SLC15A5: variants seen among roughly 807,000 people sequenced by gnomAD.
SLC15A5 encodes Peptide/histidine transporter ENSP00000340402.
In SLC15A5, 58 loss-of-function variants were observed where a neutral mutation model predicts 56.1. The ratio of observed to expected loss-of-function variants is 1.03; its 90% confidence interval spans 0.84 to 1.29. SLC15A5 has a LOEUF of 1.29. SLC15A5 is among the 50% of genes most tolerant of loss of function. SLC15A5 has a pLI of 0.00. For synonymous variants in SLC15A5, 264 were observed against 250.5 expected, an observed-to-expected ratio of 1.05 and a Z score of -0.51; for missense variants, 681 against 672.1, an observed-to-expected ratio of 1.01 and a Z score of -0.15.
Position 16,271,862 on chromosome 12 carries a change from C to T in SLC15A5, c.584+699G>A, listed in dbSNP as rs1024372423. On this transcript the variant is annotated intron_variant, in intron 2 of 8. Transcript: ENST00000344941. This position sits in a 1 kb window ranked among gnomAD's most constrained non-coding sequence, Gnocchi z 8.0. ...AAAACCGACGAACTCCATAAGAACT[C>T]GTTGGGAGAGACAAAGATTCACAGG... Among the ~76,000 whole-genome samples the T allele has an allele frequency of 6.6e-6, 1 of 152,102 alleles. No individual in the cohort carries two copies. Among genetic ancestry groups the T allele is most frequent in the Non-Finnish European group, 1.5e-5 (1 of 68,016 alleles).
intron 7 of SLC15A5, among the ~76,000 whole-genome samples, chr12:16,205,267 G>T (rs1290613221): frequency 6.6e-6 from 1 of 151,474 alleles, no homozygotes; most frequent in Non-Finnish European, 1.5e-5. Context: ...TATGCTAAGG[G>T]CTGAAATTAA....
chr12:16,257,596 T>G, intron 3 of SLC15A5, 105 bp downstream of exon 3: 1 of 948,104 alleles, frequency 1.1e-6, no homozygotes, highest in South Asian at 3.3e-5. Flanking sequence ...GACACAATTT[T>G]CAAATTCTGA....
At position 16,237,576 on chromosome 12, in the gene SLC15A5, C is replaced by G. The variant is rs1430546202; in HGVS notation, c.1162+2105G>C. Among the ~76,000 whole-genome samples the G allele has an allele frequency of 6.6e-6, 1 of 152,170 alleles. No individual in the cohort carries two copies. The highest frequency in any genetic ancestry group is 1.5e-5 in the Non-Finnish European group (1 of 68,006). On this transcript the variant is annotated intron_variant, in intron 5 of 8. Coordinates refer to ENST00000344941, the MANE Select transcript of SLC15A5 (RefSeq NM_001170798.1). The surrounding 1 kb of genome is among the most constrained non-coding windows in gnomAD (Gnocchi z 4.1). ...CTAAATCCAGAAAAAAAGTACTCTT[C>G]TTTAGGAAGAGATGTGATTTCAAAT...
chr12:16,256,070 G>T (rs1040465409), intron 3 of SLC15A5, among the ~76,000 whole-genome samples: 2 of 152,100 alleles, frequency 1.3e-5, no homozygotes, highest in Non-Finnish European at 2.9e-5. Context: ...ATGCTTAAGA[G>T]CATAAATTCA....
At chr12:16,262,943 C>G (rs925476020) in intron 2 of SLC15A5, among the ~76,000 whole-genome samples, 1 of 152,008 alleles carries the variant, frequency 6.6e-6, no homozygotes, top group African/African-American at 2.4e-5. Flanking sequence ...CCAGTTAAAC[C>G]TCTTTCTTTT....
At chr12:16,256,913 A>AATAGATAGATAG (rs55965104) in intron 3 of SLC15A5, among the ~76,000 whole-genome samples, 9,369 of 148,500 alleles carry the variant, frequency 0.063, 311 homozygotes, top group African/African-American at 0.081. Flanking sequence ...ATGCATGGGG[A>AATAGATAGATAG]ATAGATAGAT....
chr12:16,220,311 T>G (rs1864173443), intron 6 of SLC15A5, among the ~76,000 whole-genome samples: 1 of 152,192 alleles, frequency 6.6e-6, no homozygotes. Context: ...GAGTTGTCAG[T>G]TCCTCTCTCA....
At chr12:16,267,086 T>A (rs1565675073) in intron 2 of SLC15A5, among the ~76,000 whole-genome samples, 1 of 152,240 alleles carries the variant, frequency 6.6e-6, no homozygotes, top group East Asian at 1.9e-4. Context: ...TCGTGTTTAC[T>A]TTTGGTGATT....
chr12:16,266,505 A>G (rs796640162), intron 2 of SLC15A5, among the ~76,000 whole-genome samples: 4 of 152,352 alleles, frequency 2.6e-5, no homozygotes, highest in African/African-American at 9.6e-5. Context: ...ATGAAGTACT[A>G]AATGTATTTT....
In SLC15A5 at chr12:16,269,610, CAG is replaced by C. The variant is rs1864730258; in HGVS notation, c.584+2949_584+2950del. 6.6e-6 allele frequency among the ~76,000 whole-genome samples: 1 copy of C among 152,144 alleles called. No homozygotes were observed. Among genetic ancestry groups the C allele is most frequent in the South Asian group, 2.1e-4 (1 of 4,834 alleles). ...ATTTAATTTGAGTAAGTGTTAAAAT[CAG>C]AATATTTCAGATACCATGTAGAGTC... is the stretch of plus-strand genomic sequence containing the variant. On this transcript the variant is annotated intron_variant, in intron 2 of 8. Transcript: ENST00000344941. The surrounding 1 kb of genome is among the most constrained non-coding windows in gnomAD (Gnocchi z 4.7).
chr12:16,270,954 A>C (rs949025374), intron 2 of SLC15A5, among the ~76,000 whole-genome samples: 3 of 152,232 alleles, frequency 2.0e-5, no homozygotes, highest in Non-Finnish European at 4.4e-5. Flanking sequence ...CTTTTATCAC[A>C]TTAAAAAATA....
intron 5 of SLC15A5, among the ~76,000 whole-genome samples, chr12:16,232,736 C>T (rs1415004566): frequency 1.3e-5 from 2 of 151,900 alleles, no homozygotes; most frequent in Non-Finnish European, 2.9e-5. Context: ...GGCAACATGA[C>T]ATAACCCCAT....
intron 1 of SLC15A5, among the ~76,000 whole-genome samples, chr12:16,275,269 A>T (rs1864804215): frequency 6.6e-6 from 1 of 152,084 alleles, no homozygotes; most frequent in Admixed American, 6.6e-5. Flanking sequence ...AGAAAGAGAG[A>T]AGAGCATGTA....
chr12:16,227,567 G>T (rs557767699), intron 5 of SLC15A5, among the ~76,000 whole-genome samples: 3 of 152,164 alleles, frequency 2.0e-5, no homozygotes, highest in Non-Finnish European at 4.4e-5. Flanking sequence ...AGCAGCACAC[G>T]TGGCATGAGC....
chr12:16,199,794 GA>G (rs1418970219), intron 7 of SLC15A5, among the ~76,000 whole-genome samples: 5 of 152,056 alleles, frequency 3.3e-5, no homozygotes, highest in African/African-American at 1.2e-4. Context: ...AGTCATCCAA[GA>G]AGTATTGGAT....
At chr12:16,214,411 A>G (rs919829418) in intron 7 of SLC15A5, among the ~76,000 whole-genome samples, 2 of 152,212 alleles carry the variant, frequency 1.3e-5, no homozygotes, top group Non-Finnish European at 2.9e-5. Flanking sequence ...GGGCCCATAG[A>G]TAATTTATGC....
chr12:16,234,602 CACAA>C (rs1272661451), intron 5 of SLC15A5, among the ~76,000 whole-genome samples: 9 of 152,224 alleles, frequency 5.9e-5, no homozygotes, highest in Admixed American at 5.9e-4. Flanking sequence ...CAAGATAAAG[CACAA>C]TGGTTGCATA....
At chr12:16,236,544 G>A (rs1206682342) in intron 5 of SLC15A5, among the ~76,000 whole-genome samples, 1 of 152,130 alleles carries the variant, frequency 6.6e-6, no homozygotes, top group East Asian at 1.9e-4. Context: ...TTATTGCATT[G>A]TTTATGAGCT....
intron 6 of SLC15A5, among the ~76,000 whole-genome samples, chr12:16,220,239 T>G (rs1864172591): frequency 6.6e-6 from 1 of 152,218 alleles, no homozygotes; most frequent in Non-Finnish European, 1.5e-5. Flanking sequence ...TCAGACTATA[T>G]CATCTACTTC....
Sources: allele counts gnomAD v4.1 joint callset (sites outside exome capture counted in the v4.1 genomes callset), GRCh38; gene constraint gnomAD v4.1.1; non-coding constraint Gnocchi (gnomAD v3.1); transcripts MANE v1.5; gene names NCBI Gene and HGNC (gene_info 2026-07-23, HGNC 2026-07-21).